Variants in MDM2 observed in about 807,000 individuals in gnomAD.
The protein encoded by MDM2 is E3 ubiquitin-protein ligase Mdm2.
MDM2 carries 11 observed loss-of-function variants against 64.3 expected under a neutral mutation model. The ratio of observed to expected loss-of-function variants is 0.17; its 90% CI spans 0.11 to 0.28. The LOEUF is 0.28. Ranked by LOEUF, MDM2 falls within the 10% of genes least tolerant of loss-of-function variation. MDM2 has a pLI of 1.00. For synonymous variants in MDM2, 194 were observed against 192.9 expected (o/e 1.01, Z -0.05); for missense variants, 388 against 577.1 (o/e 0.67, Z 3.36).
chr12:68,834,358 C>T (rs1310400531), intron 8 of MDM2, among the ~76,000 whole-genome samples: 1 of 152,020 alleles, frequency 6.6e-6, no homozygotes, highest in African/African-American at 2.4e-5. Context: ...AGGAGAATAG[C>T]TTGAACCCCG....
At position 68,814,064 on chromosome 12, in the gene MDM2, G is replaced by GT. The variant is rs1247687347; in HGVS notation, c.174+442dup. 2.0e-5 allele frequency among the ~76,000 whole-genome samples: 3 copies of GT among 152,180 alleles called. No homozygotes were observed. In the East Asian group the frequency reaches 5.8e-4, roughly 29 times the overall value. On this transcript the variant is annotated intron_variant, in intron 3 of 10. Coordinates refer to ENST00000258149, the MANE Select transcript of MDM2 (RefSeq NM_002392.6). ...GATATAATAAATATAATGTTTTTTT[G>GT]TTTTTTGAGACGAAGTCTCGCTCTG...
intron 8 of MDM2, among the ~76,000 whole-genome samples, chr12:68,832,230 A>C (rs544728722): frequency 2.0e-4 from 31 of 152,278 alleles, no homozygotes; most frequent in Non-Finnish European, 1.3e-4. Context: ...AAGGGAGTTA[A>C]AGGAAAGTGC....
intron 5 of MDM2, 177 bp downstream of exon 5, chr12:68,820,551 G>T (rs1881758640): frequency 3.5e-6 from 2 of 571,346 alleles, no homozygotes; most frequent in Non-Finnish European, 6.2e-6. Context: ...ACATACTGAG[G>T]TTCTAATGTA....
downstream of MDM2, chr12:68,848,048 G>A (rs1362942358): frequency 1.3e-5 from 2 of 152,178 alleles, no homozygotes; most frequent in African/African-American, 4.8e-5. Context: ...AGGATCACTT[G>A]AGCCCAGGAG....
chr12:68,816,608 C>T (rs113934505), intron 3 of MDM2, among the ~76,000 whole-genome samples: 31 of 152,158 alleles, frequency 2.0e-4, no homozygotes, highest in African/African-American at 7.2e-4. Flanking sequence ...CCATCCGCTT[C>T]GGCCTCCCGA....
intron 8 of MDM2, among the ~76,000 whole-genome samples, chr12:68,833,149 A>ATATAT (rs1555187767): frequency 1.5e-5 from 1 of 65,972 alleles, no homozygotes; most frequent in Admixed American, 2.5e-4. Flanking sequence ...AAAAAAAAAA[A>ATATAT]ATATATATAT....
chr12:68,809,401 G>A lies in MDM2; in HGVS notation c.99+109G>A, dbSNP rs1565730727. 4 of 1,004,200 alleles carry A rather than the reference G, an allele frequency of 4.0e-6. No individual in the cohort carries two copies. In the East Asian group the frequency reaches 7.1e-5, roughly 18 times the overall value. 62.2% of individuals were successfully genotyped at this position (1,004,200 alleles called of 1,614,324 possible). ...CATGGCTCTGTAAATAAAATTGTAT[G>A]TGCATAGCTTAAAGTGTGCTACCTC... On this transcript the variant is annotated intron_variant, in intron 2 of 10. Coordinates refer to ENST00000258149, the MANE Select transcript of MDM2 (RefSeq NM_002392.6).
At chr12:68,828,681 A>C (rs553809971) in intron 7 of MDM2, 90 bp from the exon 8 acceptor site, 3 of 1,124,394 alleles carry the variant, frequency 2.7e-6, no homozygotes, top group South Asian at 1.5e-5. Context: ...AATTTTATTG[A>C]AACTAAGTTT....
At chr12:68,847,338 C>CTGG (rs2136198052), downstream of MDM2, 1 of 149,224 alleles carries the variant, frequency 6.7e-6, no homozygotes, top group South Asian at 2.1e-4. Context: ...GCCACTGCAT[C>CTGG]TGGTGAATTA....
At chr12:68,818,556 T>C (rs1881582824) in intron 4 of MDM2, among the ~76,000 whole-genome samples, 1 of 148,172 alleles carries the variant, frequency 6.7e-6, no homozygotes, top group Non-Finnish European at 1.5e-5. Flanking sequence ...TTATATATTA[T>C]AATATACATA....
chr12:68,843,104 TTTA>T lies in MDM2; in HGVS notation c.*3256_*3258del. On this transcript the variant is annotated 3_prime_UTR_variant, in exon 11 of 11. Coordinates refer to ENST00000258149, the MANE Select transcript of MDM2 (RefSeq NM_002392.6). ...AATTTGTTGTGTGGGTTTTTTTTTTTTTAAAGCCACACAATAATTTTGGAAAAC... is the reference window on the plus strand; with the variant it reads ...AATTTGTTGTGTGGGTTTTTTTTTTTAAGCCACACAATAATTTTGGAAAAC... 3 of 223,110 alleles carry T rather than the reference TTTA, an allele frequency of 1.3e-5. No homozygotes were observed. Among genetic ancestry groups the T allele is most frequent in the Non-Finnish European group, 2.7e-5 (3 of 111,784 alleles). 13.8% of individuals were successfully genotyped at this position (223,110 alleles called of 1,614,324 possible).
At position 68,835,248 on chromosome 12, in the gene MDM2, A is replaced by C. The variant is rs1024549395; in HGVS notation, c.685-581A>C. ...ATAATTCATTATTATACAAGTAGTA[A>C]GGATAATTAAAGGTGGAAGAGCCTT... On this transcript the variant is annotated intron_variant, in intron 8 of 10. Transcript: ENST00000258149. Among the ~76,000 whole-genome samples the C allele has an allele frequency of 3.3e-5, 5 of 152,342 alleles. No homozygotes were observed. In the South Asian group the frequency reaches 6.2e-4, roughly 19 times the overall value.
rs1287052048 is a variant in MDM2, at chr12:68,824,365, T to C, written c.361T>C (p.Ser121Pro). 1 of 1,568,456 alleles carries C rather than the reference T, an allele frequency of 6.4e-7. No homozygotes were observed. Among genetic ancestry groups the C allele is most frequent in the Non-Finnish European group, 8.7e-7 (1 of 1,149,312 alleles). ...TGATCCTTTTTCTTTTCTCTCAGAATCATCGGACTCAGGTACATCTGTGAG... is the reference window on the plus strand; with the variant it reads ...TGATCCTTTTTCTTTTCTCTCAGAACCATCGGACTCAGGTACATCTGTGAG... The part of the protein sequence containing the change: ...RNLVVVNQQE[S>P]SDSGTSVSEN... The change falls in exon 6 of 11, where the codon TCA (serine) becomes CCA (proline). Residue 121 changes from serine to proline, a missense_variant and splice_region_variant. Ser to Pro is a moderately conservative substitution (Grantham distance 74). Transcript: ENST00000258149.
chr12:68,809,315 A>C, intron 2 of MDM2, 23 bp downstream of exon 2: 1 of 1,590,536 alleles, frequency 6.3e-7, no homozygotes, highest in African/African-American at 1.3e-5. Context: ...GTCTCGTGTA[A>C]CTTTTAAGAA....
chr12:68,809,585 G>C (rs1323371410), intron 2 of MDM2, among the ~76,000 whole-genome samples: 2 of 151,320 alleles, frequency 1.3e-5, no homozygotes, highest in South Asian at 4.2e-4. Flanking sequence ...TGACCTCCCA[G>C]TATTTAATTT....
At position 68,808,463 on chromosome 12, in the gene MDM2, G is replaced by A. The variant is rs768623393; in HGVS notation, c.-15G>A. The A allele has an allele frequency of 3.1e-6, 5 of 1,613,980 alleles. No individual in the cohort carries two copies. The Admixed American group carries it at 6.7e-5, about 22-fold the overall frequency. ...AGTCTTGAGGGACCCCCGACTCCAA[G>A]CGCGAAAACCCCGGATGGTGAGGAG... On this transcript the variant is annotated 5_prime_UTR_variant, in exon 1 of 11. Transcript: ENST00000258149.
rs750452466 is a variant in MDM2, at chr12:68,828,878, A to T, written c.631A>T (p.Ile211Leu). ...CCTGGCTCTGTGTGTAATAAGGGAG[A>T]TATGTTGTGAAAGAAGCAGTAGCAG... ...ESLALCVIRE[I>L]CCERSSSSES... The change falls in exon 8 of 11, where the codon ATA (isoleucine) becomes TTA (leucine). Residue 211 changes from isoleucine to leucine, a missense_variant. By Grantham distance (5) the Ile-to-Leu change is conservative. Coordinates refer to ENST00000258149, the MANE Select transcript of MDM2 (RefSeq NM_002392.6). The T allele has an allele frequency of 1.9e-6, 3 of 1,613,872 alleles. No individual in the cohort carries two copies. The highest frequency in any genetic ancestry group is 2.5e-6 in the Non-Finnish European group (3 of 1,179,944).
At chr12:68,829,407 T>G (rs1882612115) in intron 8 of MDM2, among the ~76,000 whole-genome samples, 1 of 152,200 alleles carries the variant, frequency 6.6e-6, no homozygotes. Flanking sequence ...CAGCATAGTC[T>G]GAACTTAACA....
Position 68,819,967 on chromosome 12 carries a change from C to T in MDM2, c.309-358C>T, listed in dbSNP as rs377542350. Among the ~76,000 whole-genome samples, 24 of 152,280 alleles carry T rather than the reference C, an allele frequency of 1.6e-4. No homozygotes were observed. In the East Asian group the frequency reaches 4.0e-3, roughly 26 times the overall value. ...TTTTTTGGCAGTTTGCTACTAAGCACAGAGCTAAAAACATTCCTGTTTGAA... is the reference window on the plus strand; with the variant it reads ...TTTTTTGGCAGTTTGCTACTAAGCATAGAGCTAAAAACATTCCTGTTTGAA... On this transcript the variant is annotated intron_variant, in intron 4 of 10. Coordinates refer to ENST00000258149, the MANE Select transcript of MDM2 (RefSeq NM_002392.6).
Sources: allele counts gnomAD v4.1 joint callset (sites outside exome capture counted in the v4.1 genomes callset), GRCh38; gene constraint gnomAD v4.1.1; transcripts MANE v1.5; gene names NCBI Gene and HGNC (gene_info 2026-07-23, HGNC 2026-07-21).